BSN: variants seen among roughly 807,000 people sequenced by gnomAD.
BSN encodes protein bassoon.
In BSN, 57 loss-of-function variants were observed where a neutral mutation model predicts 264.8. The observed-to-expected ratio is 0.22, with a 90% CI of 0.17 to 0.27. The LOEUF is 0.27. Among genes scored for constraint, BSN ranks in the 10% least tolerant of loss-of-function variants. BSN has a pLI of 1.00. For synonymous variants in BSN, 2,059 were observed against 2,137.3 expected, an observed-to-expected ratio of 0.96 and a Z score of 1.01; for missense variants, 4,615 against 5,232.5, an observed-to-expected ratio of 0.88 and a Z score of 3.64.
At chr3:49,570,435 A>G (rs995081692) in intron 1 of BSN, among the ~76,000 whole-genome samples, 1 of 152,174 alleles carries the variant, frequency 6.6e-6, no homozygotes, top group African/African-American at 2.4e-5. Flanking sequence ...CCAAGGGTCC[A>G]TGCTGTCATT....
At chr3:49,644,296 C>T (rs1575445896) in intron 3 of BSN, among the ~76,000 whole-genome samples, 1 of 152,168 alleles carries the variant, frequency 6.6e-6, no homozygotes, top group African/African-American at 2.4e-5. Context: ...GTGCAAACCA[C>T]CACTGGCCCA....
chr3:49,657,339 C>T lies in BSN; in HGVS notation c.7783C>T (p.Arg2595Cys), dbSNP rs138054763. The T allele has an allele frequency of 6.0e-5, 96 of 1,613,346 alleles. No homozygotes were observed. The highest frequency in any genetic ancestry group is 8.9e-5 in the East Asian group (4 of 44,886). Residue 2595 changes from arginine to cysteine, a missense_variant, in exon 5 of 12, where the codon CGC (arginine) becomes TGC (cysteine). Around this residue, in one of 3 missense-constraint regions of BSN, gnomAD observed 3,415 missense variants for 3,866.4 expected, o/e 0.88. Coordinates refer to ENST00000296452, the MANE Select transcript of BSN (RefSeq NM_003458.4). Reference sequence around the variant, plus strand: ...GACAGACGATGAGGATGGGGAGAGCCGCTACCTCTTGAGTCGGCGACGCCG... The same window carrying T: ...GACAGACGATGAGGATGGGGAGAGCTGCTACCTCTTGAGTCGGCGACGCCG... Reference protein sequence around the residue: ...VQTDDEDGESRYLLSRRRRAR... With the variant: ...VQTDDEDGESCYLLSRRRRAR...
In BSN at chr3:49,643,205, G is replaced by A. The variant is rs1207667389; in HGVS notation, c.1518+53G>A. On this transcript the variant is annotated intron_variant, in intron 3 of 11. Coordinates refer to ENST00000296452, the MANE Select transcript of BSN (RefSeq NM_003458.4). ...TGAACCTTGATGAGAGGCCGGGCCT[G>A]GGTAGTGAGTGTCATGGGAACCAGA... is the stretch of plus-strand genomic sequence containing the variant. 4 of 1,545,264 alleles carry A rather than the reference G, an allele frequency of 2.6e-6. No homozygotes were observed. In the African/African-American group the frequency reaches 5.5e-5, roughly 21 times the overall value.
chr3:49,586,068 G>T (rs1575429646), intron 1 of BSN, among the ~76,000 whole-genome samples: 2 of 152,020 alleles, frequency 1.3e-5, no homozygotes, highest in African/African-American at 4.8e-5. Flanking sequence ...TCACTTTTTT[G>T]ATTGTATCCT....
intron 1 of BSN, among the ~76,000 whole-genome samples, chr3:49,607,135 A>G (rs778982849): frequency 6.6e-6 from 1 of 152,078 alleles, no homozygotes; most frequent in Non-Finnish European, 1.5e-5. Flanking sequence ...CAGGCCATAC[A>G]GTTCTACCAT....
Position 49,658,151 on chromosome 3 carries a change from A to C in BSN, c.8595A>C (p.Lys2865Asn). ...PLSPTAEESA[K>N]ERFSLYQHQG... The stretch of plus-strand genomic sequence containing the variant: ...GCCCCACCGCCGAAGAGTCTGCCAA[A>C]GAGAGATTCTCCCTCTACCAGCACC... The change falls in exon 5 of 12, where the codon AAA becomes AAC. Residue 2865 changes from lysine to asparagine, a missense_variant. Lys to Asn is a moderately conservative substitution (Grantham distance 94). Coordinates refer to ENST00000296452, the MANE Select transcript of BSN (RefSeq NM_003458.4). 6.3e-7 allele frequency: 1 copy of C among 1,598,446 alleles called. No homozygotes were observed. Among genetic ancestry groups the C allele is most frequent in the East Asian group, 2.2e-5 (1 of 44,552 alleles).
In BSN at chr3:49,657,525, A is replaced by G. The variant is rs748267504; in HGVS notation, c.7969A>G (p.Thr2657Ala). 20 of 1,613,104 alleles carry G rather than the reference A, an allele frequency of 1.2e-5. No homozygotes were observed. Among genetic ancestry groups the G allele is most frequent in the South Asian group, 2.2e-5 (2 of 91,086 alleles). ...ATASSSSAAA[T>A]VRAMSSVGIQ... ...TGCCTCATCATCCAGTGCTGCTGCC[A>G]CTGTGAGGGCCATGAGCAGCGTGGG... The change falls in exon 5 of 12, where the codon ACT becomes GCT. Residue 2657 changes from threonine to alanine, a missense_variant. By Grantham distance (58) the Thr-to-Ala change is moderately conservative. Transcript: ENST00000296452.
Position 49,661,871 on chromosome 3 carries a change from G to A in BSN, c.10026G>A (p.Lys3342=), listed in dbSNP as rs1436538817. 1 of 1,613,664 alleles carries A rather than the reference G, an allele frequency of 6.2e-7. No homozygotes were observed. The highest frequency in any genetic ancestry group is 8.5e-7 in the Non-Finnish European group (1 of 1,180,050). ...ATGGTCCAGGGCCCATGGGGCCCAA[G>A]CATCCCTCCAAGAGCCTGGCTCCAG... The part of the protein sequence containing the change: ...EKYGPGPMGP[K]HPSKSLAPAA... Residue 3342 remains lysine, a synonymous_variant, in exon 6 of 12, where the codon AAG becomes AAA. Coordinates refer to ENST00000296452, the MANE Select transcript of BSN (RefSeq NM_003458.4).
At chr3:49,599,197 G>A (rs554813982) in intron 1 of BSN, among the ~76,000 whole-genome samples, 30 of 152,298 alleles carry the variant, frequency 2.0e-4, no homozygotes, top group Non-Finnish European at 3.8e-4. Context: ...TCATTTTATT[G>A]ATGGAGCCGT....
At position 49,662,414 on chromosome 3, in the gene BSN, C is replaced by T. The variant is rs536513492; in HGVS notation, c.10569C>T (p.Pro3523=). 30 of 1,613,510 alleles carry T rather than the reference C, an allele frequency of 1.9e-5. No individual in the cohort carries two copies. The highest frequency in any genetic ancestry group is 8.3e-5 in the Admixed American group (5 of 60,024). ...RPRPAGGPLP[P]GGDTCPQFCS... is the part of the protein sequence containing the mutation. Reference sequence around the variant, plus strand: ...GCCCTGCCGGAGGGCCCCTCCCTCCCGGCGGGGATACCTGCCCACAGTTCT... The same window carrying T: ...GCCCTGCCGGAGGGCCCCTCCCTCCTGGCGGGGATACCTGCCCACAGTTCT... The change falls in exon 6 of 12, where the codon CCC becomes CCT. Residue 3523 remains proline, a synonymous_variant. Transcript: ENST00000296452.
rs149263435 is a variant in BSN, at chr3:49,655,496, G to A, written c.5940G>A (p.Leu1980=). The change falls in exon 5 of 12, where the codon CTG becomes CTA. Residue 1980 remains leucine (L), a synonymous_variant. Coordinates refer to ENST00000296452, the MANE Select transcript of BSN (RefSeq NM_003458.4). Reference sequence around the variant, plus strand: ...ACCCACAAGGCCTGCCTGGTAGGCTGTACTCCTCCATGTCTGACACCAATT... The same window carrying A: ...ACCCACAAGGCCTGCCTGGTAGGCTATACTCCTCCATGTCTGACACCAATT... ...RPYPQGLPGR[L]YSSMSDTNLA... is the part of the protein sequence containing the mutation. 1.6e-3 allele frequency: 2,486 copies of A among 1,603,036 alleles called. 39 individuals are homozygous for A. In the African/African-American group the frequency reaches 0.03, roughly 19 times the overall value.
chr3:49,614,599 G>A (rs1304771576), intron 1 of BSN, among the ~76,000 whole-genome samples: 1 of 152,202 alleles, frequency 6.6e-6, no homozygotes, highest in Non-Finnish European at 1.5e-5. Context: ...GAATATGGAT[G>A]TCACTTGAGG....
rs750113901 is a variant in BSN, at chr3:49,653,570, C to T, written c.4014C>T (p.Pro1338=). 9.9e-6 allele frequency: 16 copies of T among 1,613,718 alleles called. No individual in the cohort carries two copies. Among genetic ancestry groups the T allele is most frequent in the African/African-American group, 9.4e-5 (7 of 74,836 alleles). The change falls in exon 5 of 12, where the codon CCC becomes CCT. Residue 1338 remains proline (P), a synonymous_variant. Transcript: ENST00000296452. The surrounding 1 kb of genome is among the most constrained non-coding windows in gnomAD (Gnocchi z 6.3). ...ACAGCAGCGGGGGCCGAGTTATTCC[C>T]GATGTCCGTGTCACTCAGCATTTTG... ...SSDSSGGRVI[P]DVRVTQHFAK...
At chr3:49,598,240 A>G (rs2052040848) in intron 1 of BSN, among the ~76,000 whole-genome samples, 1 of 152,158 alleles carries the variant, frequency 6.6e-6, no homozygotes, top group South Asian at 2.1e-4. Context: ...ATTTTAAGGA[A>G]TATATTGTAC....
intron 1 of BSN, among the ~76,000 whole-genome samples, chr3:49,592,099 ATTAT>A (rs940216921): frequency 6.6e-5 from 10 of 151,778 alleles, no homozygotes; most frequent in Non-Finnish European, 2.9e-5. Flanking sequence ...TTATTTCTCA[ATTAT>A]TTATTTATTT....
At position 49,655,867 on chromosome 3, in the gene BSN, C is replaced by T; in HGVS notation, c.6311C>T (p.Ala2104Val). Reference sequence around the variant, plus strand: ...CGTGAAATCAGTCGCATGTGCGCTGCCCTCAACTCCATGGACCAGTATGGT... The same window carrying T: ...CGTGAAATCAGTCGCATGTGCGCTGTCCTCAACTCCATGGACCAGTATGGT... ...TAREISRMCA[A>V]LNSMDQYGGR... The change falls in exon 5 of 12, where the codon GCC (alanine) becomes GTC (valine). Residue 2104 changes from alanine to valine, a missense_variant. Ala to Val is a moderately conservative substitution (Grantham distance 64). This residue lies in a region of BSN where 3,415 missense variants were observed against 3,866.4 expected (regional missense o/e 0.88). Transcript: ENST00000296452. 6.2e-7 allele frequency: 1 copy of T among 1,613,134 alleles called. No individual in the cohort carries two copies. Among genetic ancestry groups the T allele is most frequent in the Admixed American group, 1.7e-5 (1 of 60,024 alleles).
chr3:49,654,743 C>T lies in BSN; in HGVS notation c.5187C>T (p.Ala1729=). Residue 1729 remains alanine, a synonymous_variant, in exon 5 of 12, where the codon GCC becomes GCT. Coordinates refer to ENST00000296452, the MANE Select transcript of BSN (RefSeq NM_003458.4). This position sits in a 1 kb window ranked among gnomAD's most constrained non-coding sequence, Gnocchi z 4.1. The part of the protein sequence containing the change: ...NAQEHTFLAT[A]TTVSITMASS... ...AGGAGCATACCTTCCTTGCTACTGC[C>T]ACCACCGTGAGCATCACCATGGCCT... 1 of 1,613,606 alleles carries T rather than the reference C, an allele frequency of 6.2e-7. No homozygotes were observed. The highest frequency in any genetic ancestry group is 1.1e-5 in the South Asian group (1 of 91,062).
chr3:49,559,414 C>A (rs2051697716), intron 1 of BSN, among the ~76,000 whole-genome samples: 1 of 152,116 alleles, frequency 6.6e-6, no homozygotes. Context: ...TTCCAGACAT[C>A]CCAAAATTTC....
At chr3:49,570,887 A>G (rs1158765206) in intron 1 of BSN, among the ~76,000 whole-genome samples, 1 of 152,158 alleles carries the variant, frequency 6.6e-6, no homozygotes, top group East Asian at 1.9e-4. Context: ...TTTGGAAAGC[A>G]TCCTGTGCTA....
Sources: allele counts gnomAD v4.1 joint callset (sites outside exome capture counted in the v4.1 genomes callset), GRCh38; gene constraint gnomAD v4.1.1; regional missense constraint gnomAD v4.1.1; non-coding constraint Gnocchi (gnomAD v3.1); transcripts MANE v1.5; gene names NCBI Gene and HGNC (gene_info 2026-07-23, HGNC 2026-07-21).